VDAC1: variants seen among roughly 807,000 people sequenced by gnomAD.
VDAC1 encodes non-selective voltage-gated ion channel VDAC1.
VDAC1 carries 10 observed loss-of-function variants against 34.7 expected under a neutral mutation model. The ratio of observed to expected loss-of-function variants is 0.29; its 90% CI spans 0.18 to 0.49. The LOEUF (loss-of-function observed/expected upper bound fraction) is 0.49. VDAC1 is among the 20% of genes least tolerant of loss of function. VDAC1 has a pLI of 0.99. For missense variants in VDAC1, 230 were observed against 347.9 expected (o/e 0.66, Z 2.69); for synonymous variants, 130 against 136.0 (o/e 0.96, Z 0.30).
chr5:134,113,242 G>A, the VDAC1 span, among the ~76,000 whole-genome samples: 2 of 152,138 alleles, frequency 1.3e-5, no homozygotes, highest in African/African-American at 4.8e-5. Context: ...CTGAGCACTC[G>A]TGCCCATGCC....
At chr5:134,096,389 C>G in the VDAC1 span, among the ~76,000 whole-genome samples, 1 of 152,220 alleles carries the variant, frequency 6.6e-6, no homozygotes. Context: ...GGACCGGGCC[C>G]ACAGCTTGAC....
chr5:134,047,053 A>G, the VDAC1 span, among the ~76,000 whole-genome samples: 1 of 152,142 alleles, frequency 6.6e-6, no homozygotes, highest in African/African-American at 2.4e-5. Flanking sequence ...GGAAGGAACT[A>G]TACTCGGACT....
At chr5:134,081,959 C>A in the VDAC1 span, 1 of 160,978 alleles carries the variant, frequency 6.2e-6, no homozygotes, top group Non-Finnish European at 1.4e-5. Flanking sequence ...TTTTTTTTAG[C>A]CAGGTTTGGT....
chr5:134,085,960 A>G, the VDAC1 span, among the ~76,000 whole-genome samples: 1 of 152,122 alleles, frequency 6.6e-6, no homozygotes, highest in Non-Finnish European at 1.5e-5. Flanking sequence ...TTAGAGTCCA[A>G]GGCGTGTGGA....
the VDAC1 span, among the ~76,000 whole-genome samples, chr5:134,022,189 G>A: frequency 3.9e-5 from 6 of 152,160 alleles, no homozygotes; most frequent in Non-Finnish European, 8.8e-5. Flanking sequence ...GAAAGGCTGT[G>A]ATCTTACATA....
the VDAC1 span, among the ~76,000 whole-genome samples, chr5:134,083,588 G>A: frequency 1.3e-5 from 2 of 152,210 alleles, no homozygotes; most frequent in Non-Finnish European, 2.9e-5. Context: ...TGCTCTAAGC[G>A]CTACGTCAAA....
At chr5:133,973,562 A>G (rs952427723) in intron 8 of VDAC1, among the ~76,000 whole-genome samples, 1 of 152,212 alleles carries the variant, frequency 6.6e-6, no homozygotes. Flanking sequence ...AGCAAAGAAT[A>G]TGTGTTAGCC....
intron 6 of VDAC1, among the ~76,000 whole-genome samples, chr5:133,978,989 G>C (rs1752582911): frequency 6.6e-6 from 1 of 152,142 alleles, no homozygotes. Flanking sequence ...CTGGGTGAGA[G>C]AGTGAGACCC....
chr5:134,004,649 C>T (rs1353948062), intron 1 of VDAC1: 1 of 151,950 alleles, frequency 6.6e-6, no homozygotes, highest in Non-Finnish European at 1.5e-5. Flanking sequence ...GCGCCTACCT[C>T]AGAGGATGTG....
At chr5:134,103,183 G>A in the VDAC1 span, among the ~76,000 whole-genome samples, 1 of 152,126 alleles carries the variant, frequency 6.6e-6, no homozygotes, top group African/African-American at 2.4e-5. Flanking sequence ...GTGCAGTGGT[G>A]CAATCTCAGC....
At chr5:133,993,372 G>A (rs1374041501) in intron 1 of VDAC1, among the ~76,000 whole-genome samples, 1 of 152,224 alleles carries the variant, frequency 6.6e-6, no homozygotes, top group Non-Finnish European at 1.5e-5. Context: ...TGACTTTACT[G>A]AATTGTAGGA....
the VDAC1 span, among the ~76,000 whole-genome samples, chr5:134,082,901 CTA>C: frequency 3.9e-5 from 6 of 152,076 alleles, no homozygotes; most frequent in Non-Finnish European, 7.3e-5. Context: ...AATATTACAT[CTA>C]TATATATAAA....
At chr5:134,090,667 C>T in the VDAC1 span, among the ~76,000 whole-genome samples, 35 of 152,232 alleles carry the variant, frequency 2.3e-4, no homozygotes, top group Non-Finnish European at 3.8e-4. Context: ...CCTTGGCCTC[C>T]ACCCCCAGCC....
At chr5:133,983,213 A>T (rs536827469) in intron 5 of VDAC1, among the ~76,000 whole-genome samples, 134 of 151,822 alleles carry the variant, frequency 8.8e-4, no homozygotes, top group Non-Finnish European at 1.3e-3. Flanking sequence ...GCACCATTGC[A>T]CTCCAGCCTG....
At chr5:134,009,132 G>A (rs1191093615), upstream of VDAC1, among the ~76,000 whole-genome samples, 1 of 151,086 alleles carries the variant, frequency 6.6e-6, no homozygotes, top group African/African-American at 2.4e-5. Flanking sequence ...ATTCCAAGAA[G>A]CTCCAACATC....
chr5:134,069,608 G>A, the VDAC1 span, among the ~76,000 whole-genome samples: 1 of 152,240 alleles, frequency 6.6e-6, no homozygotes, highest in Non-Finnish European at 1.5e-5. Context: ...CCACACTATG[G>A]CCTTTGGGGA....
chr5:133,985,491 TA>T (rs1488754543), intron 5 of VDAC1, among the ~76,000 whole-genome samples: 4 of 152,048 alleles, frequency 2.6e-5, no homozygotes, highest in South Asian at 2.1e-4. Context: ...CTGTCTCTAC[TA>T]AAAATACAAA....
chr5:134,056,241 C>CAAAAAAAAAAAAAAAAAAAAA, the VDAC1 span, among the ~76,000 whole-genome samples: 1 of 111,200 alleles, frequency 9.0e-6, no homozygotes, highest in Non-Finnish European at 1.8e-5. Context: ...AACTCCGTCT[C>CAAAAAAAAAAAAAAAAAAAAA]AAAAAAAAAA....
the VDAC1 span, among the ~76,000 whole-genome samples, chr5:134,105,661 G>A: frequency 6.6e-6 from 1 of 152,204 alleles, no homozygotes; most frequent in South Asian, 2.1e-4. Context: ...ATGAGAGTGA[G>A]CAAAACACCC....
Sources: gnomAD v4.1 joint callset for allele counts (sites outside exome capture counted in the v4.1 genomes callset) on GRCh38, gnomAD v4.1.1 for gene constraint, MANE v1.5 for transcripts, NCBI Gene and HGNC (gene_info 2026-07-23, HGNC 2026-07-21) for gene names.